Variants in AATK observed in about 807,000 individuals in gnomAD.
AATK encodes serine/threonine-protein kinase LMTK1.
In AATK, 91 loss-of-function variants were observed where a neutral mutation model predicts 114.3. The observed-to-expected ratio is 0.80, with a 90% CI of 0.67 to 0.95. The LOEUF (loss-of-function observed/expected upper bound fraction) is 0.95. Ranked by LOEUF, AATK falls within the 40% of genes least tolerant of loss-of-function variation. The probability of loss-of-function intolerance (pLI) is 0.00; values close to 1 mark genes in which losing one functional copy is unlikely to be tolerated. For missense variants in AATK, 2,176 were observed against 1,965.2 expected (o/e 1.11, Z -2.03); for synonymous variants, 1,075 against 916.5 (o/e 1.17, Z -3.12).
chr17:81,132,644 TC>T, intron 2 of AATK: 1 of 294,186 alleles, frequency 3.4e-6, no homozygotes, highest in Non-Finnish European at 7.1e-6. Flanking sequence ...GGGCCCGGGC[TC>T]CAGGCATTAC....
At chr17:81,122,861 C>A in intron 10 of AATK, 38 bp from the exon 11 acceptor site, 1 of 1,411,652 alleles carries the variant, frequency 7.1e-7, no homozygotes, top group Non-Finnish European at 9.3e-7. Context: ...TCAGAGGCAA[C>A]GCTGGCCAGG....
chr17:81,146,574 G>C (rs2061223464), intron 1 of AATK, among the ~76,000 whole-genome samples: 1 of 152,046 alleles, frequency 6.6e-6, no homozygotes, highest in Non-Finnish European at 1.5e-5. Flanking sequence ...AAATTAGCCG[G>C]GCATGGTGGC....
rs1242633389 is a variant in AATK, at chr17:81,126,606, G to A, written c.622-46C>T. 1.3e-6 allele frequency: 2 copies of A among 1,516,432 alleles called. No individual in the cohort carries two copies. Among genetic ancestry groups the A allele is most frequent in the Non-Finnish European group, 1.8e-6 (2 of 1,124,112 alleles). 93.9% of individuals were successfully genotyped at this position (1,516,432 alleles called of 1,614,324 possible). On this transcript the variant is annotated intron_variant, in intron 6 of 13. Transcript: ENST00000326724. This position sits in a 1 kb window ranked among gnomAD's most constrained non-coding sequence, Gnocchi z 5.1. ...GCAGTCACCAGCAGGCTGGGGGCTG[G>A]CCACCCTGGGAGGTCCCCACCTACC...
At chr17:81,133,341 G>T (rs373385722) in intron 2 of AATK, 2 of 384,572 alleles carry the variant, frequency 5.2e-6, no homozygotes, top group Admixed American at 3.2e-5. Flanking sequence ...CCCATTCTGC[G>T]TCATGACATA....
At chr17:81,144,361 T>C (rs1205997551) in intron 1 of AATK, among the ~76,000 whole-genome samples, 1 of 152,240 alleles carries the variant, frequency 6.6e-6, no homozygotes, top group Non-Finnish European at 1.5e-5. Context: ...CATCGCTCTG[T>C]GCTGGTCGGG....
intron 1 of AATK, among the ~76,000 whole-genome samples, chr17:81,138,147 G>A (rs542351027): frequency 1.0e-3 from 144 of 139,248 alleles, no homozygotes; most frequent in African/African-American, 3.6e-3. Context: ...GCACACATAC[G>A]CGCACGCCCA....
intron 6 of AATK, 45 bp downstream of exon 6, chr17:81,127,538 C>A: frequency 1.3e-6 from 2 of 1,546,408 alleles, no homozygotes. Flanking sequence ...AAGGGAGGGC[C>A]CCGGCTCAGC....
At position 81,120,247 on chromosome 17, in the gene AATK, T is replaced by G. The variant is rs749248581; in HGVS notation, c.3689A>C (p.Lys1230Thr). The G allele has an allele frequency of 1.9e-6, 3 of 1,595,996 alleles. No homozygotes were observed. The highest frequency in any genetic ancestry group is 1.7e-5 in the Admixed American group (1 of 59,478). The stretch of plus-strand genomic sequence containing the variant: ...GACGTCGTCGAAGAAGGACACGGCC[T>G]TCTTCTTGCGTTCCAGGTCCTCGCA... ...TFCEDLERKK[K>T]AVSFFDDVTV... The change falls in exon 11 of 14, where the codon AAG becomes ACG. Residue 1230 changes from lysine (K) to threonine (T), a missense_variant. Around this residue, in one of 4 missense-constraint regions of AATK, gnomAD observed 1,701 missense variants for 1,394.7 expected, o/e 1.22. Coordinates refer to ENST00000326724, the MANE Select transcript of AATK (RefSeq NM_001080395.3).
Position 81,121,965 on chromosome 17 carries a change from C to T in AATK, c.1971G>A (p.Pro657=). 1 of 1,599,618 alleles carries T rather than the reference C, an allele frequency of 6.3e-7. No individual in the cohort carries two copies. Among genetic ancestry groups the T allele is most frequent in the Non-Finnish European group, 8.5e-7 (1 of 1,176,968 alleles). ...PLGSSGAPPL[P]LTGEDELEEV... is the part of the protein sequence containing the mutation. ...CCTCTAGCTCATCCTCGCCAGTCAG[C>T]GGCAGCGGGGGCGCCCCTGAGCTCC... The change falls in exon 11 of 14, where the codon CCG becomes CCA. Residue 657 remains proline, a synonymous_variant. Transcript: ENST00000326724.
At chr17:81,124,877 C>G (rs775052282) in intron 8 of AATK, 29 bp from the exon 9 acceptor site, 2 of 1,581,342 alleles carry the variant, frequency 1.3e-6, no homozygotes, top group Non-Finnish European at 1.7e-6. Context: ...GTCACCCCTG[C>G]CGGCGCAGGC....
rs1567827610 is a variant in AATK at position 81,156,106 on chromosome 17, CAATGTATGTTACT to C, written c.55+9819_55+9831del. ...ACAATGTATGTTACAATGTATGTTA[CAATGTATGTTACT>C]ATGTTACAATGTATGTTACTATGTT... On this transcript the variant is annotated intron_variant, in intron 1 of 13. Transcript: ENST00000326724. Among the ~76,000 whole-genome samples the C allele has an allele frequency of 1.3e-3, 166 of 129,414 alleles. 1 individual carries two copies. The highest frequency in any genetic ancestry group is 3.3e-3 in the East Asian group (14 of 4,304). The allele number at this position is 129,414 out of a possible 152,430, so 84.9% of individuals were successfully genotyped here.
intron 1 of AATK, among the ~76,000 whole-genome samples, chr17:81,160,070 T>C (rs1009615080): frequency 1.3e-5 from 2 of 152,064 alleles, no homozygotes; most frequent in African/African-American, 2.4e-5. Context: ...CTGGGGCAGG[T>C]GGCCCCGGCT....
At chr17:81,157,907 G>A (rs184416491) in intron 1 of AATK, among the ~76,000 whole-genome samples, 158 of 152,360 alleles carry the variant, frequency 1.0e-3, no homozygotes, top group Middle Eastern at 3.4e-3. Context: ...CTCTTCGTGG[G>A]GGCCTACCCT....
intron 1 of AATK, among the ~76,000 whole-genome samples, chr17:81,143,369 C>T (rs1464156884): frequency 6.6e-6 from 1 of 152,198 alleles, no homozygotes; most frequent in East Asian, 1.9e-4. Context: ...CAGGGTGGCC[C>T]TGGTCAAAGC....
chr17:81,125,617 C>G (rs2146303185), intron 7 of AATK, among the ~76,000 whole-genome samples: 1 of 152,286 alleles, frequency 6.6e-6, no homozygotes, highest in East Asian at 1.9e-4. Flanking sequence ...GCTTTGAACC[C>G]TGCCTGGCTG....
At chr17:81,158,273 C>G (rs2061390965) in intron 1 of AATK, among the ~76,000 whole-genome samples, 1 of 152,246 alleles carries the variant, frequency 6.6e-6, no homozygotes, top group African/African-American at 2.4e-5. Context: ...CGAGCAGGGT[C>G]CGTCCTCCCC....
intron 1 of AATK, among the ~76,000 whole-genome samples, chr17:81,138,922 C>T (rs1017260341): frequency 6.6e-6 from 1 of 151,610 alleles, no homozygotes; most frequent in African/African-American, 2.4e-5. Context: ...TAGACAGATA[C>T]CACACGTGTA....
chr17:81,120,078 GC>G lies in AATK; in HGVS notation c.3740del (p.Ser1247ThrfsTer60). On this transcript the variant is annotated frameshift_variant, in exon 12 of 14. Transcript: ENST00000326724. LOFTEE classifies it high-confidence loss of function. The stretch of plus-strand genomic sequence containing the variant: ...AGGGCTCCCCGAGCTCCCGGGTGGG[GC>G]TTTCCTGGAGGAATCAGAGAGCACC... ...DVTVYLFDQE[S>X]PTRELGEPFP... is the part of the protein sequence containing the mutation. The G allele has an allele frequency of 6.8e-7, 1 of 1,461,232 alleles. No homozygotes were observed. The highest frequency in any genetic ancestry group is 9.1e-7 in the Non-Finnish European group (1 of 1,104,284). The allele number at this position is 1,461,232 out of a possible 1,614,324, so 90.5% of individuals were successfully genotyped here.
rs748520591 is a variant in AATK, at chr17:81,121,469, G to A, written c.2467C>T (p.Leu823=). The A allele has an allele frequency of 1.1e-5, 18 of 1,577,246 alleles. No individual in the cohort carries two copies. Among genetic ancestry groups the A allele is most frequent in the South Asian group, 1.0e-4 (9 of 86,166 alleles). The part of the protein sequence containing the change: ...EASAPDAPDA[L]PDSPTPATGG... ...GTAGCAGGCGTGGGAGAGTCAGGCA[G>A]GGCATCAGGGGCGTCGGGGGCACTG... The change falls in exon 11 of 14, where the codon CTG becomes TTG. Residue 823 remains leucine (L), a synonymous_variant. Coordinates refer to ENST00000326724, the MANE Select transcript of AATK (RefSeq NM_001080395.3).
Sources: gnomAD v4.1 joint callset for allele counts (sites outside exome capture counted in the v4.1 genomes callset) on GRCh38, gnomAD v4.1.1 for gene constraint, gnomAD v4.1.1 regional missense constraint, Gnocchi (gnomAD v3.1) non-coding constraint, MANE v1.5 for transcripts, NCBI Gene and HGNC (gene_info 2026-07-23, HGNC 2026-07-21) for gene names.